Variants in UACA observed in about 807,000 individuals in gnomAD.
UACA encodes uveal autoantigen with coiled-coil domains and ankyrin repeats.
UACA carries 112 observed loss-of-function variants against 160.5 expected under a neutral mutation model. That is an observed-to-expected ratio of 0.70 (90% CI 0.60 to 0.82). The LOEUF (loss-of-function observed/expected upper bound fraction) is 0.82. UACA is among the 40% of genes least tolerant of loss of function. UACA has a pLI of 0.00. For synonymous variants in UACA, 557 were observed against 568.4 expected (o/e 0.98, Z 0.29); for missense variants, 1,574 against 1,614.6 (o/e 0.97, Z 0.43).
intron 5 of UACA, among the ~76,000 whole-genome samples, chr15:70,689,197 G>A (rs1897837289): frequency 1.3e-5 from 2 of 152,180 alleles, no homozygotes; most frequent in African/African-American, 2.4e-5. Flanking sequence ...TCACAGGTAA[G>A]TGGAGAAACA....
At position 70,755,445 on chromosome 15, in the gene UACA, G is replaced by A. The variant is rs1218295438; in HGVS notation, c.78+7885C>T. 3.3e-5 allele frequency among the ~76,000 whole-genome samples: 5 copies of A among 152,064 alleles called. No homozygotes were observed. The East Asian group carries it at 7.7e-4, about 24-fold the overall frequency. ...AACAATTAGGGAGGCCGAGGTGGGT[G>A]GATCGCCCGAGGTCAGGAGTACAAG... On this transcript the variant is annotated intron_variant, in intron 1 of 18. Coordinates refer to ENST00000322954, the MANE Select transcript of UACA (RefSeq NM_018003.4).
chr15:70,662,671 C>T (rs996382590), intron 17 of UACA, among the ~76,000 whole-genome samples: 38 of 152,116 alleles, frequency 2.5e-4, no homozygotes, highest in Non-Finnish European at 5.4e-4. Context: ...GAGATACAGA[C>T]CAATGGAACA....
chr15:70,713,083 G>A (rs1479648379), intron 1 of UACA, among the ~76,000 whole-genome samples: 1 of 152,206 alleles, frequency 6.6e-6, no homozygotes, highest in Non-Finnish European at 1.5e-5. Flanking sequence ...AGTGGCTCAC[G>A]CCTGTAATCC....
In UACA at chr15:70,668,560, TAAC is replaced by T. The variant is rs1270870020; in HGVS notation, c.2121_2123del (p.Leu708del). ...TTTGTAGTGTCTGATTTTTCAATGT[TAAC>T]TCAGTGATCTTCTTCCCAAGTTCTC... On this transcript the variant is annotated inframe_deletion, in exon 16 of 19. Coordinates refer to ENST00000322954, the MANE Select transcript of UACA (RefSeq NM_018003.4). 2.5e-6 allele frequency: 4 copies of T among 1,612,508 alleles called. No homozygotes were observed. The Admixed American group carries it at 6.7e-5, about 27-fold the overall frequency.
chr15:70,678,324 T>C, intron 10 of UACA, 118 bp from the exon 11 acceptor site: 3 of 552,826 alleles, frequency 5.4e-6, no homozygotes, highest in Non-Finnish European at 9.5e-6. Flanking sequence ...AAACACTAAG[T>C]ACAAAAGATA....
Position 70,690,461 on chromosome 15 carries a change from G to A in UACA, c.417C>T (p.His139=), listed in dbSNP as rs771406773. The change falls in exon 5 of 19, where the codon CAC becomes CAT. Residue 139 remains histidine, a synonymous_variant. Transcript: ENST00000322954. Reference sequence around the variant, plus strand: ...AGGGAAACCACTGCTCACCGGCATCGTGAAGTGCAGTTCTTCCCTGCAGGT... The same window carrying A: ...AGGGAAACCACTGCTCACCGGCATCATGAAGTGCAGTTCTTCCCTGCAGGT... The part of the protein sequence containing the change: ...HADLQGRTAL[H]DAAMADCPSS... 1.9e-5 allele frequency: 31 copies of A among 1,612,374 alleles called. No homozygotes were observed. Among genetic ancestry groups the A allele is most frequent in the South Asian group, 7.7e-5 (7 of 90,800 alleles).
At position 70,763,364 on chromosome 15, in the gene UACA, C is replaced by A; in HGVS notation, c.44G>T (p.Gly15Val). The A allele has an allele frequency of 7.5e-7, 1 of 1,334,704 alleles. No individual in the cohort carries two copies. The allele number at this position is 1,334,704 out of a possible 1,614,324, so 82.7% of individuals were successfully genotyped here. Reference protein sequence around the residue: ...KSRLRRQDVPGPASSGAAAAS... With the variant: ...KSRLRRQDVPVPASSGAAAAS... Reference sequence around the variant, plus strand: ...GGCGGCGGCGCCAGACGACGCGGGGCCGGGCACGTCCTGCCTCCTCAGGCG... The same window carrying A: ...GGCGGCGGCGCCAGACGACGCGGGGACGGGCACGTCCTGCCTCCTCAGGCG... Residue 15 changes from glycine to valine, a missense_variant, in exon 1 of 19, where the codon GGC (glycine) becomes GTC (valine). By Grantham distance (109) the Gly-to-Val change is moderately radical (BLOSUM62 -3). Coordinates refer to ENST00000322954, the MANE Select transcript of UACA (RefSeq NM_018003.4).
intron 10 of UACA, 35 bp from the exon 11 acceptor site, chr15:70,678,241 T>A (rs1897359775): frequency 6.6e-7 from 1 of 1,513,720 alleles, no homozygotes; most frequent in Non-Finnish European, 9.0e-7. Flanking sequence ...GCCAGGCCAA[T>A]CTTAAAAGAG....
At chr15:70,674,723 G>A (rs1021955027) in intron 13 of UACA, among the ~76,000 whole-genome samples, 3 of 152,032 alleles carry the variant, frequency 2.0e-5, no homozygotes, top group African/African-American at 7.2e-5. Flanking sequence ...TCAGCCTCCT[G>A]AGTAGCTGGT....
At chr15:70,777,498 C>T in the UACA span, among the ~76,000 whole-genome samples, 1 of 152,028 alleles carries the variant, frequency 6.6e-6, no homozygotes, top group East Asian at 1.9e-4. Context: ...AATTGGAAGA[C>T]AAGGATCCTA....
At chr15:70,665,836 T>C (rs1183798677) in intron 16 of UACA, among the ~76,000 whole-genome samples, 1 of 152,200 alleles carries the variant, frequency 6.6e-6, no homozygotes, top group Non-Finnish European at 1.5e-5. Context: ...TTTACTCCAC[T>C]GTATCCCCAG....
chr15:70,662,047 A>G (rs971019320), intron 17 of UACA, among the ~76,000 whole-genome samples: 20 of 152,204 alleles, frequency 1.3e-4, no homozygotes, highest in Non-Finnish European at 2.2e-4. Context: ...AAGGTATTCA[A>G]TTAGGAAAAG....
chr15:70,716,900 A>C (rs1016350566), intron 1 of UACA, among the ~76,000 whole-genome samples: 2 of 152,174 alleles, frequency 1.3e-5, no homozygotes, highest in Non-Finnish European at 2.9e-5. Flanking sequence ...GCAGTTAATA[A>C]TTTTTATTAA....
At chr15:70,763,938 G>A (rs539171902), upstream of UACA, among the ~76,000 whole-genome samples, 1 of 152,216 alleles carries the variant, frequency 6.6e-6, no homozygotes, top group Non-Finnish European at 1.5e-5. Flanking sequence ...TCTTAGAAAT[G>A]ACTCTTGGTT....
chr15:70,761,863 C>A (rs1301589017), intron 1 of UACA, among the ~76,000 whole-genome samples: 1 of 152,110 alleles, frequency 6.6e-6, no homozygotes, highest in Non-Finnish European at 1.5e-5. Context: ...AAAATTAAGG[C>A]ATATAAACCT....
chr15:70,697,078 C>A (rs922632602), intron 2 of UACA, among the ~76,000 whole-genome samples: 14 of 152,148 alleles, frequency 9.2e-5, no homozygotes, highest in South Asian at 2.1e-4. Flanking sequence ...TCTATGTTTT[C>A]TTCTTTTAAA....
chr15:70,741,716 G>C (rs774734524), intron 1 of UACA, among the ~76,000 whole-genome samples: 1 of 152,056 alleles, frequency 6.6e-6, no homozygotes. Context: ...TGATTAAAAC[G>C]TTAGTTTTAA....
At chr15:70,753,149 C>A (rs141032701) in intron 1 of UACA, among the ~76,000 whole-genome samples, 131 of 152,184 alleles carry the variant, frequency 8.6e-4, no homozygotes, top group Non-Finnish European at 1.6e-3. Context: ...TCTTACAGAT[C>A]AACATGAACA....
chr15:70,657,319 A>C (rs1896510935), intron 18 of UACA, among the ~76,000 whole-genome samples, 192 bp from the exon 19 acceptor site: 1 of 152,302 alleles, frequency 6.6e-6, no homozygotes, highest in South Asian at 2.1e-4. Flanking sequence ...TCAATTAATA[A>C]GGAGTGCACG....
Sources: allele counts gnomAD v4.1 joint callset (sites outside exome capture counted in the v4.1 genomes callset), GRCh38; gene constraint gnomAD v4.1.1; transcripts MANE v1.5; gene names NCBI Gene and HGNC (gene_info 2026-07-23, HGNC 2026-07-21).